CCDC30: variants seen among roughly 807,000 people sequenced by gnomAD.
CCDC30 encodes the protein coiled-coil domain containing 30.
Under a neutral mutation model 100.2 loss-of-function variants are expected in CCDC30, and 70 were observed. The ratio of observed to expected loss-of-function variants is 0.70; its 90% CI spans 0.58 to 0.85. The LOEUF is 0.85. Ranked by LOEUF, CCDC30 falls within the 40% of genes least tolerant of loss-of-function variation. CCDC30 has a pLI of 0.00. For synonymous variants in CCDC30, 233 were observed against 269.5 expected, an observed-to-expected ratio of 0.86 and a Z score of 1.33; for missense variants, 652 against 771.2, an observed-to-expected ratio of 0.85 and a Z score of 1.83.
chr1:42,629,617 ATTTCTT>A lies in CCDC30; in HGVS notation c.1278-7605_1278-7600del, dbSNP rs550556770. Among the ~76,000 whole-genome samples, 27 of 149,566 alleles carry A rather than the reference ATTTCTT, an allele frequency of 1.8e-4. No homozygotes were observed. In the South Asian group the frequency reaches 5.0e-3, roughly 28 times the overall value. Reference sequence around the variant, plus strand: ...CCCCTTGAATAAACTTCCTACTCCTATTTCTTTTTCTTTTTCTTTTCTTTTTTTTTT... The same window carrying A: ...CCCCTTGAATAAACTTCCTACTCCTATTTCTTTTTCTTTTCTTTTTTTTTT... On this transcript the variant is annotated intron_variant, in intron 11 of 16. Transcript: ENST00000668663.
chr1:42,611,639 ATT>A (rs67721907), intron 11 of CCDC30, among the ~76,000 whole-genome samples: 1 of 151,234 alleles, frequency 6.6e-6, no homozygotes. Flanking sequence ...TAGGCAGTTA[ATT>A]TTTTTTTCAT....
intron 5 of CCDC30, 35 bp downstream of exon 5, chr1:42,497,248 T>G: frequency 8.8e-7 from 1 of 1,137,318 alleles, no homozygotes; most frequent in Admixed American, 4.2e-5. Context: ...CGTATTTAAA[T>G]GTGTCTACCA....
At chr1:42,625,356 C>A (rs1207507382) in intron 11 of CCDC30, among the ~76,000 whole-genome samples, 1 of 152,036 alleles carries the variant, frequency 6.6e-6, no homozygotes, top group South Asian at 2.1e-4. Context: ...TTGTTTTCTT[C>A]ATTTCGATTT....
At chr1:42,612,395 G>T (rs1418650923) in intron 11 of CCDC30, among the ~76,000 whole-genome samples, 1 of 152,202 alleles carries the variant, frequency 6.6e-6, no homozygotes, top group Non-Finnish European at 1.5e-5. Flanking sequence ...GGCCAGAGAA[G>T]TCAGGCAGCA....
At chr1:42,463,519 G>T (rs150941181) in exon 1 of CCDC30, 59 of 152,404 alleles carry the variant, frequency 3.9e-4, no homozygotes, top group African/African-American at 1.4e-3. Context: ...ACCCCTCCTG[G>T]CCCGGCCTTT....
chr1:42,505,061 A>T (rs1424765978), intron 6 of CCDC30, among the ~76,000 whole-genome samples: 1 of 152,224 alleles, frequency 6.6e-6, no homozygotes, highest in East Asian at 1.9e-4. Flanking sequence ...AGAAGGTGCT[A>T]CCATGTATAA....
intron 6 of CCDC30, among the ~76,000 whole-genome samples, chr1:42,511,539 T>A (rs2148491932): frequency 6.6e-6 from 1 of 152,250 alleles, no homozygotes; most frequent in South Asian, 2.1e-4. Flanking sequence ...TAAAAGAACG[T>A]AGGGACCAAA....
At position 42,561,271 on chromosome 1, in the gene CCDC30, C is replaced by T. The variant is rs761696824; in HGVS notation, c.457-5025C>T. On this transcript the variant is annotated intron_variant, in intron 6 of 16. Transcript: ENST00000668663. ...AACTTATCCACCACAATTAAGCTGG[C>T]TTCATCACTGGGATGCAAGGCTGGT... 3.4e-4 allele frequency among the ~76,000 whole-genome samples: 51 copies of T among 152,188 alleles called. 1 individual carries two copies. Among genetic ancestry groups the T allele is most frequent in the Middle Eastern group, 3.2e-3 (1 of 316 alleles).
At chr1:42,602,313 A>G (rs151192509) in intron 10 of CCDC30, among the ~76,000 whole-genome samples, 49 of 152,258 alleles carry the variant, frequency 3.2e-4, no homozygotes, top group Non-Finnish European at 5.6e-4. Flanking sequence ...AATCAATGAA[A>G]TTTAAATGGG....
At chr1:42,549,725 T>C (rs1645211999) in intron 6 of CCDC30, among the ~76,000 whole-genome samples, 1 of 152,210 alleles carries the variant, frequency 6.6e-6, no homozygotes, top group Admixed American at 6.5e-5. Context: ...CTACTCCTAC[T>C]GTGTACAATG....
chr1:42,524,738 T>C (rs1031177759), intron 6 of CCDC30, among the ~76,000 whole-genome samples: 3 of 152,208 alleles, frequency 2.0e-5, no homozygotes, highest in Non-Finnish European at 4.4e-5. Flanking sequence ...GGCTAAGAGC[T>C]TAAACTGATA....
At chr1:42,566,366 A>G in exon 7 of CCDC30, 2 of 1,613,982 alleles carry the variant, frequency 1.2e-6, no homozygotes, top group Admixed American at 1.7e-5. Flanking sequence ...CAGAATTTGC[A>G]CCGGCTCCAG....
upstream of CCDC30, among the ~76,000 whole-genome samples, chr1:42,458,563 A>C (rs539184741): frequency 7.2e-5 from 11 of 152,338 alleles, no homozygotes; most frequent in East Asian, 1.3e-3. Flanking sequence ...AAATAAGTCA[A>C]ATACATAACT....
intron 6 of CCDC30, 145 bp downstream of exon 9, chr1:42,545,724 A>G: frequency 1.6e-6 from 1 of 644,810 alleles, no homozygotes. Context: ...AGGCAGGCAG[A>G]TCGCTTGAGC....
chr1:42,504,607 T>C (rs1275219926), intron 6 of CCDC30, among the ~76,000 whole-genome samples: 2 of 152,204 alleles, frequency 1.3e-5, no homozygotes, highest in African/African-American at 4.8e-5. Flanking sequence ...AGTGTTAATA[T>C]AAAAGTAACA....
chr1:42,546,007 T>A (rs1645123365), intron 6 of CCDC30, among the ~76,000 whole-genome samples: 3 of 151,748 alleles, frequency 2.0e-5, no homozygotes, highest in Non-Finnish European at 2.9e-5. Flanking sequence ...GTGGAAAAAT[T>A]AGTTATAAGC....
At chr1:42,536,943 C>A in intron 6 of CCDC30, 2 of 356,308 alleles carry the variant, frequency 5.6e-6, no homozygotes, top group Non-Finnish European at 1.1e-5. Context: ...TAAGGCCCCA[C>A]CCTTATATCC....
chr1:42,549,918 T>C (rs1376159937), intron 6 of CCDC30, among the ~76,000 whole-genome samples: 1 of 152,236 alleles, frequency 6.6e-6, no homozygotes, highest in Non-Finnish European at 1.5e-5. Flanking sequence ...TCATTCACTA[T>C]TTCATTGCAT....
intron 3 of CCDC30, chr1:42,483,070 G>A (rs1209420302): frequency 3.5e-6 from 1 of 289,604 alleles, no homozygotes; most frequent in Non-Finnish European, 6.3e-6. Flanking sequence ...GAAGTCCCCT[G>A]TGTTCCTTCT....
Sources: gnomAD v4.1 joint callset for allele counts (sites outside exome capture counted in the v4.1 genomes callset) on GRCh38, gnomAD v4.1.1 for gene constraint, MANE v1.5 for transcripts, NCBI Gene and HGNC (gene_info 2026-07-23, HGNC 2026-07-21) for gene names.